SERPINB8: variants seen among roughly 807,000 people sequenced by gnomAD.
The protein encoded by SERPINB8 is serpin B8.
A neutral mutation model predicts 35.3 loss-of-function variants in SERPINB8; 25 were observed. That is an observed-to-expected ratio of 0.71 (90% CI 0.52 to 0.99). The LOEUF is 0.99. Among genes scored for constraint, SERPINB8 ranks in the 50% least tolerant of loss-of-function variants. SERPINB8 has a pLI of 0.00. For synonymous variants in SERPINB8, 186 were observed against 160.8 expected, an observed-to-expected ratio of 1.16 and a Z score of -1.19; for missense variants, 484 against 446.5, an observed-to-expected ratio of 1.08 and a Z score of -0.76.
chr18:63,997,891 G>A (rs2050857607), intron 1 of SERPINB8, among the ~76,000 whole-genome samples: 1 of 152,218 alleles, frequency 6.6e-6, no homozygotes, highest in Non-Finnish European at 1.5e-5. Flanking sequence ...AAGGCAATGA[G>A]CAGACCGTGC....
chr18:63,981,605 G>A, intron 3 of SERPINB8, 116 bp from the exon 4 acceptor site: 1 of 708,630 alleles, frequency 1.4e-6, no homozygotes, highest in South Asian at 1.7e-5. Flanking sequence ...ACCTTGAAGT[G>A]GAGTGTGACC....
At chr18:63,981,031 TAC>T (rs958964332) in intron 3 of SERPINB8, among the ~76,000 whole-genome samples, 11 of 151,932 alleles carry the variant, frequency 7.2e-5, no homozygotes, top group African/African-American at 2.4e-4. Context: ...CATACACATG[TAC>T]ACACACACAC....
At chr18:63,982,146 A>G (rs963583738) in intron 4 of SERPINB8, among the ~76,000 whole-genome samples, 2 of 152,146 alleles carry the variant, frequency 1.3e-5, no homozygotes, top group Non-Finnish European at 1.5e-5. Context: ...CCATGCTCGG[A>G]GACAGAATGG....
downstream of SERPINB8, among the ~76,000 whole-genome samples, chr18:63,992,666 T>C (rs959067098): frequency 6.6e-6 from 1 of 152,226 alleles, no homozygotes; most frequent in African/African-American, 2.4e-5. Context: ...CACTTTTTGA[T>C]GTAACCGACC....
At chr18:64,002,760 C>G (rs1393873229) in intron 1 of SERPINB8, among the ~76,000 whole-genome samples, 3 of 152,098 alleles carry the variant, frequency 2.0e-5, no homozygotes, top group Non-Finnish European at 4.4e-5. Flanking sequence ...CCACGCGGCC[C>G]CAGCCTCTCC....
intron 5 of SERPINB8, among the ~76,000 whole-genome samples, chr18:63,984,714 C>A (rs776254618): frequency 2.0e-5 from 3 of 152,302 alleles, no homozygotes; most frequent in Non-Finnish European, 4.4e-5. Context: ...TCTTTTCTAA[C>A]CAGATCCTTC....
chr18:63,986,223 T>G, intron 6 of SERPINB8: 1 of 1,606,978 alleles, frequency 6.2e-7, no homozygotes, highest in Non-Finnish European at 8.5e-7. Context: ...GGAAGGCCTT[T>G]CTCCCTTTTT....
chr18:63,970,795 C>T (rs1056512887), intron 1 of SERPINB8, among the ~76,000 whole-genome samples: 1 of 152,160 alleles, frequency 6.6e-6, no homozygotes, highest in Non-Finnish European at 1.5e-5. Flanking sequence ...CCCCCCCCTC[C>T]GTTCTTTCCA....
In SERPINB8 at chr18:63,989,133, C is replaced by T. The variant is rs1443938989; in HGVS notation, c.*1855C>T. 6.6e-6 allele frequency: 1 copy of T among 152,208 alleles called. No homozygotes were observed. The allele number at this position is 152,208 out of a possible 1,614,324, so 9.4% of individuals were successfully genotyped here. A position where few individuals can be genotyped will look rare whatever the true frequency, so the allele number is the denominator to read the frequency against. ...TTGCATTTTTAAAGAAATTTACATA[C>T]ATGGAACCATACATCATCTATGCTT... is the stretch of plus-strand genomic sequence containing the variant. On this transcript the variant is annotated 3_prime_UTR_variant, in exon 7 of 7. Transcript: ENST00000397985.
chr18:64,009,848 G>T (rs2050917812), downstream of SERPINB8, among the ~76,000 whole-genome samples: 1 of 151,926 alleles, frequency 6.6e-6, no homozygotes, highest in African/African-American at 2.4e-5. Flanking sequence ...CAGAAAGTAT[G>T]GCAAAATAAT....
chr18:63,972,987 A>G (rs1275659567), intron 1 of SERPINB8, among the ~76,000 whole-genome samples: 4 of 152,180 alleles, frequency 2.6e-5, no homozygotes, highest in African/African-American at 9.7e-5. Flanking sequence ...ATGATTTATA[A>G]TCCTTTGGGT....
At position 63,987,062 on chromosome 18, in the gene SERPINB8, A is replaced by G; in HGVS notation, c.909A>G (p.Ser303=). ...CCAAGGCAGACTTTTCTGGAATGTC[A>G]ACTGAGAAGAATGTGCCTCTGTCCA... ...DEAKADFSGM[S]TEKNVPLSKV... Residue 303 remains serine (S), a synonymous_variant, in exon 7 of 7, where the codon TCA becomes TCG. Coordinates refer to ENST00000397985, the MANE Select transcript of SERPINB8 (RefSeq NM_002640.4). 1 of 1,614,194 alleles carries G rather than the reference A, an allele frequency of 6.2e-7. No individual in the cohort carries two copies. Among genetic ancestry groups the G allele is most frequent in the South Asian group, 1.1e-5 (1 of 91,084 alleles).
At chr18:63,993,156 T>G (rs1368454599), downstream of SERPINB8, among the ~76,000 whole-genome samples, 1 of 152,018 alleles carries the variant, frequency 6.6e-6, no homozygotes, top group South Asian at 2.1e-4. Context: ...AAACAGGTAA[T>G]TGACTTGAAA....
chr18:64,017,003 T>C (rs2050953469), intron 7 of SERPINB8, among the ~76,000 whole-genome samples: 3 of 152,146 alleles, frequency 2.0e-5, no homozygotes, highest in African/African-American at 7.2e-5. Context: ...CCATAGCCAA[T>C]AAAAAACCTG....
intron 1 of SERPINB8, among the ~76,000 whole-genome samples, chr18:64,002,112 T>C (rs2050878197): frequency 6.6e-6 from 1 of 151,972 alleles, no homozygotes; most frequent in African/African-American, 2.4e-5. Flanking sequence ...AACCCCCCGA[T>C]AGAGGACGTA....
At chr18:63,995,937 A>T (rs2050846987) in intron 1 of SERPINB8, among the ~76,000 whole-genome samples, 1 of 152,188 alleles carries the variant, frequency 6.6e-6, no homozygotes, top group Admixed American at 6.5e-5. Flanking sequence ...ATGTGTGGGG[A>T]AACAGGAATT....
intron 1 of SERPINB8, among the ~76,000 whole-genome samples, chr18:64,001,418 G>A (rs572685157): frequency 4.6e-5 from 7 of 152,164 alleles, no homozygotes; most frequent in Non-Finnish European, 1.0e-4. Flanking sequence ...AGGCACTACT[G>A]TAAGGAGGCA....
intron 7 of SERPINB8, among the ~76,000 whole-genome samples, chr18:64,016,880 G>A (rs1393152608): frequency 6.6e-6 from 1 of 152,126 alleles, no homozygotes; most frequent in Non-Finnish European, 1.5e-5. Context: ...ATTATTAGAA[G>A]TAGTAACAGA....
intron 1 of SERPINB8, among the ~76,000 whole-genome samples, chr18:63,997,311 G>A (rs1399985623): frequency 6.6e-6 from 1 of 152,178 alleles, no homozygotes; most frequent in Non-Finnish European, 1.5e-5. Flanking sequence ...ATCCAGGTGG[G>A]TGTGGCTTAA....
Sources: allele counts gnomAD v4.1 joint callset (sites outside exome capture counted in the v4.1 genomes callset), GRCh38; gene constraint gnomAD v4.1.1; transcripts MANE v1.5; gene names NCBI Gene and HGNC (gene_info 2026-07-23, HGNC 2026-07-21).